The following NFASC variants were observed in gnomAD, a reference collection of about 807,000 sequenced individuals.
NFASC encodes neurofascin homolog.
A neutral mutation model predicts 147.5 loss-of-function variants in NFASC; 43 were observed. The observed-to-expected ratio is 0.29, with a 90% confidence interval of 0.23 to 0.38. NFASC has a LOEUF of 0.38. NFASC is among the 10% of genes least tolerant of loss of function. The pLI is 1.00. For missense variants in NFASC, 1,320 were observed against 1,689.0 expected (o/e 0.78, Z 3.83); for synonymous variants, 622 against 665.5 (o/e 0.93, Z 1.01).
intron 2 of NFASC, among the ~76,000 whole-genome samples, chr1:204,943,881 T>C (rs1253311475): frequency 6.6e-6 from 1 of 152,228 alleles, no homozygotes; most frequent in African/African-American, 2.4e-5. Flanking sequence ...TTGCCCTTCC[T>C]TCTCTAACAG....
At chr1:204,896,992 G>T (rs1046247539) in intron 1 of NFASC, among the ~76,000 whole-genome samples, 1 of 152,078 alleles carries the variant, frequency 6.6e-6, no homozygotes, top group Non-Finnish European at 1.5e-5. Flanking sequence ...ATTCTCAAAG[G>T]TGCTCCTTCT....
chr1:204,915,049 A>G (rs6699541), intron 1 of NFASC, among the ~76,000 whole-genome samples: 32,933 of 152,076 alleles, frequency 0.22, 4,021 homozygotes, highest in East Asian at 0.45. Context: ...GGAGGCCGAG[A>G]CAGGTGGATC....
In NFASC at chr1:204,963,127, T is replaced by C. The variant is rs2094770036; in HGVS notation, c.707-5122T>C. Among the ~76,000 whole-genome samples, 4 of 152,048 alleles carry C rather than the reference T, an allele frequency of 2.6e-5. No individual in the cohort carries two copies. In the South Asian group the frequency reaches 8.3e-4, roughly 32 times the overall value. On this transcript the variant is annotated intron_variant, in intron 8 of 29. Coordinates refer to ENST00000339876, the MANE Select transcript of NFASC (RefSeq NM_001005388.3). ...CACTGTGATGTGCTAATACAAAGGA[T>C]GATGAGTGACTGGAGAAGGGGATGG...
intron 20 of NFASC, among the ~76,000 whole-genome samples, chr1:204,980,947 C>T (rs907370095): frequency 1.3e-5 from 2 of 152,200 alleles, no homozygotes; most frequent in African/African-American, 4.8e-5. Context: ...TTAGAAAATC[C>T]CATCTTCATG....
At chr1:204,949,504 A>G (rs1310042784) in intron 3 of NFASC, among the ~76,000 whole-genome samples, 1 of 152,274 alleles carries the variant, frequency 6.6e-6, no homozygotes, top group Non-Finnish European at 1.5e-5. Context: ...TGAGAATGCC[A>G]TGTTACTTTC....
intron 27 of NFASC, among the ~76,000 whole-genome samples, chr1:205,004,712 G>A (rs2096069206): frequency 6.6e-6 from 1 of 152,214 alleles, no homozygotes. Context: ...TTTCATTAAA[G>A]CAAGAACTCG....
intron 3 of NFASC, chr1:204,946,594 G>A: frequency 2.1e-6 from 1 of 467,114 alleles, no homozygotes; most frequent in Admixed American, 2.3e-5. Context: ...GAAGATGACA[G>A]GGGATGAGGG....
chr1:204,977,153 GT>G, intron 16 of NFASC: 1 of 1,107,304 alleles, frequency 9.0e-7, no homozygotes, highest in Non-Finnish European at 1.1e-6. Context: ...GCAAGACTGA[GT>G]TTGTGTTTGT....
Position 204,975,071 on chromosome 1 carries a change from A to C in NFASC, c.1559-200A>C, listed in dbSNP as rs1200854037. ...AAATTACATCATATATTCCTGAGCC[A>C]GATGGAGTGGATTTGGGGCATTATC... On this transcript the variant is annotated intron_variant, in intron 14 of 29. Coordinates refer to ENST00000339876, the MANE Select transcript of NFASC (RefSeq NM_001005388.3). This position sits in a 1 kb window ranked among gnomAD's most constrained non-coding sequence, Gnocchi z 4.0. 1.3e-5 allele frequency among the ~76,000 whole-genome samples: 2 copies of C among 152,334 alleles called. No homozygotes were observed. Among genetic ancestry groups the C allele is most frequent in the East Asian group, 3.9e-4 (2 of 5,178 alleles).
intron 2 of NFASC, among the ~76,000 whole-genome samples, chr1:204,921,425 C>T (rs1181066720): frequency 6.6e-6 from 1 of 152,174 alleles, no homozygotes; most frequent in Non-Finnish European, 1.5e-5. Context: ...GGGCTGGAGG[C>T]CTGAGCAGGG....
intron 1 of NFASC, among the ~76,000 whole-genome samples, chr1:204,857,427 A>G (rs550461643): frequency 3.9e-5 from 6 of 152,150 alleles, no homozygotes; most frequent in Non-Finnish European, 8.8e-5. Context: ...ATCGGAGCAG[A>G]ATAACCCAAA....
intron 3 of NFASC, among the ~76,000 whole-genome samples, chr1:204,949,594 G>C (rs139878624): frequency 4.6e-5 from 7 of 152,334 alleles, no homozygotes; most frequent in Middle Eastern, 3.4e-3. Flanking sequence ...CCAAGACCTT[G>C]TCCCCACAAA....
chr1:204,896,181 G>A (rs1348550892), intron 1 of NFASC, among the ~76,000 whole-genome samples: 1 of 152,196 alleles, frequency 6.6e-6, no homozygotes, highest in Admixed American at 6.5e-5. Flanking sequence ...ATCGCCTGAA[G>A]CTGCCGCAAA....
chr1:204,898,083 G>A (rs761091623), intron 1 of NFASC, among the ~76,000 whole-genome samples: 52 of 152,214 alleles, frequency 3.4e-4, no homozygotes, highest in African/African-American at 1.1e-3. Flanking sequence ...GCGTCTCACC[G>A]TGTTGCCCAG....
intron 28 of NFASC, chr1:205,009,899 G>A: frequency 3.4e-6 from 2 of 592,082 alleles, no homozygotes; most frequent in East Asian, 2.9e-5. Context: ...GGATGGCACA[G>A]TCCAGGCGGC....
chr1:204,851,603 A>G (rs578090856), intron 1 of NFASC, among the ~76,000 whole-genome samples: 22 of 152,152 alleles, frequency 1.4e-4, no homozygotes, highest in South Asian at 8.3e-4. Context: ...AAAGCGCTGG[A>G]ATTAGAGTCA....
At position 204,906,873 on chromosome 1, in the gene NFASC, C is replaced by T. The variant is rs191467824; in HGVS notation, c.-199-13759C>T. Reference sequence around the variant, plus strand: ...TAATTTTTTGTATTTTTAGTAGAGACGGGGTTTCACCATGTTAGCCAGGAT... The same window carrying T: ...TAATTTTTTGTATTTTTAGTAGAGATGGGGTTTCACCATGTTAGCCAGGAT... On this transcript the variant is annotated intron_variant, in intron 1 of 29. Coordinates refer to ENST00000339876, the MANE Select transcript of NFASC (RefSeq NM_001005388.3). 5.8e-3 allele frequency among the ~76,000 whole-genome samples: 884 copies of T among 152,164 alleles called. 4 individuals carry two copies. The highest frequency in any genetic ancestry group is 9.2e-3 in the Non-Finnish European group (628 of 68,008).
At chr1:204,942,313 A>G (rs2093412961) in intron 2 of NFASC, among the ~76,000 whole-genome samples, 1 of 152,166 alleles carries the variant, frequency 6.6e-6, no homozygotes, top group Non-Finnish European at 1.5e-5. Flanking sequence ...TAATGGTGCA[A>G]AAGTCAGTAA....
chr1:204,973,284 C>A lies in NFASC; in HGVS notation c.1144C>A (p.Pro382Thr). 1 of 1,614,184 alleles carries A rather than the reference C, an allele frequency of 6.2e-7. No homozygotes were observed. The highest frequency in any genetic ancestry group is 1.1e-5 in the South Asian group (1 of 91,086). ...CTCTTTCTTGTCTGTAGCGGCACCA[C>A]CTAACCCAAACCGTGAGGTGGCCGG... ...VNGEPLQSAP[P>T]NPNREVAGDT... is the part of the protein sequence containing the mutation. The change falls in exon 12 of 30, where the codon CCT becomes ACT. Residue 382 changes from proline to threonine, a missense_variant. This residue lies in a region of NFASC where 981 missense variants were observed against 1,289.5 expected (regional missense o/e 0.76). Coordinates refer to ENST00000339876, the MANE Select transcript of NFASC (RefSeq NM_001005388.3).
Sources: gnomAD v4.1 joint callset for allele counts (sites outside exome capture counted in the v4.1 genomes callset) on GRCh38, gnomAD v4.1.1 for gene constraint, gnomAD v4.1.1 regional missense constraint, Gnocchi (gnomAD v3.1) non-coding constraint, MANE v1.5 for transcripts, NCBI Gene and HGNC (gene_info 2026-07-23, HGNC 2026-07-21) for gene names.